Variants in FANCA observed in about 807,000 individuals in gnomAD.
The protein encoded by FANCA is Fanconi anemia group A protein.
FANCA carries 236 observed loss-of-function variants against 194.3 expected under a neutral mutation model. That is an observed-to-expected ratio of 1.21 (90% confidence interval 1.09 to 1.35). FANCA has a LOEUF of 1.35. Ranked by LOEUF, FANCA falls within the 40% of genes most tolerant of loss-of-function variation. The pLI is 0.00. For missense variants in FANCA, 2,628 were observed against 1,813.9 expected, an observed-to-expected ratio of 1.45 and a Z score of -8.15; for synonymous variants, 1,014 against 715.8, an observed-to-expected ratio of 1.42 and a Z score of -6.65.
chr16:89,778,699 AC>A, intron 20 of FANCA, 101 bp downstream of exon 20: 1 of 1,080,810 alleles, frequency 9.3e-7, no homozygotes, highest in Non-Finnish European at 1.4e-6. Flanking sequence ...CCAATAAAAC[AC>A]AATAGTGGTC....
chr16:89,771,557 C>G lies in FANCA; in HGVS notation c.2151+121G>C, dbSNP rs1032816905. The G allele has an allele frequency of 1.0e-5, 12 of 1,180,648 alleles. No individual in the cohort carries two copies. In the Admixed American group the frequency reaches 2.0e-4, roughly 20 times the overall value. 73.1% of individuals were successfully genotyped at this position (1,180,648 alleles called of 1,614,324 possible). A position where few individuals can be genotyped will look rare whatever the true frequency, so the allele number is the denominator to read the frequency against. On this transcript the variant is annotated intron_variant, in intron 23 of 42. Transcript: ENST00000389301. ...ACACCGCTGCCTGGCCCTGGAACAT[C>G]TGATACGACACTAACTGAGCAAGTC...
intron 1 of FANCA, chr16:89,816,216 T>C (rs1440246310): frequency 1.9e-6 from 1 of 522,682 alleles, no homozygotes; most frequent in Non-Finnish European, 3.5e-6. Context: ...CGGGGACGGC[T>C]GGCGAGGGGC....
At chr16:89,778,525 G>A in intron 20 of FANCA, 2 of 427,000 alleles carry the variant, frequency 4.7e-6, no homozygotes, top group South Asian at 4.7e-5. Context: ...CTACTCAGGA[G>A]GCTGAAGCAA....
At chr16:89,798,416 T>C in intron 10 of FANCA, 1 of 1,078,384 alleles carries the variant, frequency 9.3e-7, no homozygotes, top group Non-Finnish European at 1.1e-6. Context: ...GTACAACACA[T>C]TTAATTGAGC....
At chr16:89,756,490 A>T (rs1430630134) in intron 30 of FANCA, among the ~76,000 whole-genome samples, 2 of 152,110 alleles carry the variant, frequency 1.3e-5, no homozygotes, top group Non-Finnish European at 2.9e-5. Context: ...TTTGCCAGGT[A>T]TGGTGGTGCC....
At chr16:89,757,280 G>A (rs113050642) in intron 30 of FANCA, among the ~76,000 whole-genome samples, 1,722 of 152,250 alleles carry the variant, frequency 0.011, 25 homozygotes, top group Middle Eastern at 0.017. Context: ...TTTGACCTAA[G>A]AGTGGGATTT....
intron 37 of FANCA, 147 bp downstream of exon 37, chr16:89,742,653 C>CAA (rs749345470): frequency 0.016 from 4,867 of 306,956 alleles, 18 homozygotes; most frequent in African/African-American, 0.031. Context: ...ACTAAAAATA[C>CAA]AAAAAAAAAA....
At chr16:89,799,516 T>C (rs1456979215) in intron 9 of FANCA, 89 bp downstream of exon 9, 3 of 1,293,766 alleles carry the variant, frequency 2.3e-6, no homozygotes, top group East Asian at 2.3e-5. Context: ...AGAGGAGAAA[T>C]ACCTCAAATG....
At chr16:89,740,469 T>G in intron 38 of FANCA, 1 of 460,102 alleles carries the variant, frequency 2.2e-6, no homozygotes, top group Non-Finnish European at 3.9e-6. Context: ...ACCCCGTCTC[T>G]ACTAAAAATA....
At chr16:89,749,160 C>G (rs17233483) in intron 32 of FANCA, among the ~76,000 whole-genome samples, 10,372 of 152,210 alleles carry the variant, frequency 0.068, 858 homozygotes, top group African/African-American at 0.2. Context: ...GAACACTTTT[C>G]CCTACTTTCA....
At position 89,749,678 on chromosome 16, in the gene FANCA, ATGCTGCCCTGCCCAGGTGG is replaced by A. The variant is rs557677971; in HGVS notation, c.3239+33_3239+51del. On this transcript the variant is annotated intron_variant, in intron 32 of 42. Coordinates refer to ENST00000389301, the MANE Select transcript of FANCA (RefSeq NM_000135.4). ...AAAGAACCTCTAGGACCGTCATGAG[ATGCTGCCCTGCCCAGGTGG>A]TGCTGCCCTGCCCAGGTGGTAGTAG... 3,460 of 1,584,030 alleles carry A rather than the reference ATGCTGCCCTGCCCAGGTGG, an allele frequency of 2.2e-3. 5 individuals are homozygous for A. The highest frequency in any genetic ancestry group is 2.7e-3 in the Non-Finnish European group (3,126 of 1,163,462).
intron 38 of FANCA, chr16:89,740,315 C>T: frequency 1.7e-6 from 1 of 581,246 alleles, no homozygotes; most frequent in Non-Finnish European, 3.1e-6. Flanking sequence ...ACCAAGGCTG[C>T]TGCACCACGT....
intron 3 of FANCA, among the ~76,000 whole-genome samples, chr16:89,812,528 A>T (rs1399780004): frequency 6.7e-6 from 1 of 149,078 alleles, no homozygotes. Context: ...TGCCTGTAAT[A>T]CCAGCTACTC....
chr16:89,783,974 T>C (rs17232665), intron 15 of FANCA, among the ~76,000 whole-genome samples: 9,070 of 152,108 alleles, frequency 0.06, 414 homozygotes, highest in East Asian at 0.22. Flanking sequence ...TTGGTCAGGC[T>C]GGTCTCGAAC....
intron 2 of FANCA, among the ~76,000 whole-genome samples, chr16:89,814,911 A>G (rs927546201): frequency 6.6e-6 from 1 of 152,160 alleles, no homozygotes; most frequent in Admixed American, 6.5e-5. Context: ...ACTGCATACC[A>G]GCCCAGGCTA....
intron 22 of FANCA, among the ~76,000 whole-genome samples, chr16:89,772,437 C>T (rs894574547): frequency 7.2e-5 from 11 of 152,206 alleles, no homozygotes; most frequent in Non-Finnish European, 1.0e-4. Context: ...TGCCTCCATG[C>T]GGAGCTTGCA....
At chr16:89,781,024 G>C (rs1449194645) in intron 17 of FANCA, among the ~76,000 whole-genome samples, 1 of 151,720 alleles carries the variant, frequency 6.6e-6, no homozygotes, top group African/African-American at 2.4e-5. Context: ...TCACCTATAA[G>C]TGTTCTTCAG....
chr16:89,790,515 G>A (rs896151260), intron 14 of FANCA, among the ~76,000 whole-genome samples: 6 of 152,052 alleles, frequency 3.9e-5, no homozygotes, highest in Non-Finnish European at 8.8e-5. Context: ...CGGATCATGA[G>A]GTCAGGAGTT....
intron 11 of FANCA, among the ~76,000 whole-genome samples, chr16:89,794,786 T>G (rs892988619): frequency 1.3e-5 from 2 of 152,154 alleles, no homozygotes; most frequent in Admixed American, 1.3e-4. Flanking sequence ...GACTGATATC[T>G]TGGGTACAGT....
Sources: allele counts gnomAD v4.1 joint callset (sites outside exome capture counted in the v4.1 genomes callset), GRCh38; gene constraint gnomAD v4.1.1; transcripts MANE v1.5; gene names NCBI Gene and HGNC (gene_info 2026-07-23, HGNC 2026-07-21).